Variants in WDR11 observed in about 807,000 individuals in gnomAD.
The protein encoded by WDR11 is WD repeat-containing protein 11.
WDR11 carries 83 observed loss-of-function variants against 151.2 expected under a neutral mutation model. The observed-to-expected ratio is 0.55, with a 90% CI of 0.46 to 0.66. The LOEUF (loss-of-function observed/expected upper bound fraction) is 0.66, where lower values mean the gene tolerates loss of function less well. WDR11 is among the 30% of genes least tolerant of loss of function. WDR11 has a pLI of 0.00. For missense variants in WDR11, 1,301 were observed against 1,480.9 expected, an observed-to-expected ratio of 0.88 and a Z score of 1.99; for synonymous variants, 484 against 533.1, an observed-to-expected ratio of 0.91 and a Z score of 1.27.
In WDR11 at chr10:120,862,555, G is replaced by A. The variant is rs1846178919; in HGVS notation, c.527-180G>A. ...CAAGCTTGGAGGCCTCTGATGAATTGTAATGGACCACCTGTTTCTCTTCAA... is the reference window on the plus strand; with the variant it reads ...CAAGCTTGGAGGCCTCTGATGAATTATAATGGACCACCTGTTTCTCTTCAA... On this transcript the variant is annotated intron_variant, in intron 4 of 28. Coordinates refer to ENST00000263461, the MANE Select transcript of WDR11 (RefSeq NM_018117.12). 4 of 639,792 alleles carry A rather than the reference G, an allele frequency of 6.3e-6. No individual in the cohort carries two copies. The East Asian group carries it at 8.4e-5, about 13-fold the overall frequency. The allele number at this position is 639,792 out of a possible 1,614,324, so 39.6% of individuals were successfully genotyped here. A position where few individuals can be genotyped will look rare whatever the true frequency, so the allele number is the denominator to read the frequency against.
In WDR11 at chr10:120,867,105, C is replaced by T. The variant is rs779094965; in HGVS notation, c.1230C>T (p.Phe410=). Residue 410 remains phenylalanine, a synonymous_variant, in exon 9 of 29, where the codon TTC becomes TTT. Transcript: ENST00000263461. ...GVSPLYSPVS[F]CGIPVGVLQN... is the part of the protein sequence containing the mutation. ...CACCTTTATATTCACCAGTGTCTTT[C>T]TGTGGAATTCCTGTAGGAGTGCTAC... 11 of 1,613,796 alleles carry T rather than the reference C, an allele frequency of 6.8e-6. No individual in the cohort carries two copies. In the East Asian group the frequency reaches 2.2e-4, roughly 33 times the overall value.
rs1846530604 is a variant in WDR11, at chr10:120,871,306, C to T, written c.1431C>T (p.Thr477=). The T allele has an allele frequency of 1.2e-6, 2 of 1,613,704 alleles. No individual in the cohort carries two copies. Among genetic ancestry groups the T allele is most frequent in the East Asian group, 2.2e-5 (1 of 44,860 alleles). ...CTATTCGTATGTGTCCACCGTTGAC[C>T]ACAAAAAACATCAAGATGTATCAGC... is the stretch of plus-strand genomic sequence containing the variant. The part of the protein sequence containing the change: ...QFAIRMCPPL[T]TKNIKMYQPL... Residue 477 remains threonine, a synonymous_variant, in exon 10 of 29, where the codon ACC becomes ACT. Coordinates refer to ENST00000263461, the MANE Select transcript of WDR11 (RefSeq NM_018117.12).
Position 120,851,430 on chromosome 10 carries a change from T to C in WDR11, c.10T>C (p.Tyr4His), listed in dbSNP as rs1413909768. 1.9e-6 allele frequency: 3 copies of C among 1,611,534 alleles called. No individual in the cohort carries two copies. Among genetic ancestry groups the C allele is most frequent in the Non-Finnish European group, 2.5e-6 (3 of 1,179,526 alleles). ...TGGGCTGGCCGCCGGGATGTTGCCC[T>C]ACACAGTGAACTTCAAGGTGTCGGC... Reference protein sequence around the residue: MLPYTVNFKVSART... With the variant: MLPHTVNFKVSART... Residue 4 changes from tyrosine (Y) to histidine (H), a missense_variant, in exon 1 of 29, where the codon TAC (tyrosine) becomes CAC (histidine). This residue lies in a region of WDR11 where 692 missense variants were observed against 762.5 expected (regional missense o/e 0.91). Transcript: ENST00000263461.
intron 19 of WDR11, among the ~76,000 whole-genome samples, chr10:120,892,338 C>T (rs1189989985): frequency 1.3e-5 from 2 of 152,056 alleles, no homozygotes; most frequent in East Asian, 3.9e-4. Context: ...ATGTTACAGC[C>T]TCAGCCAGAA....
At chr10:120,874,189 TTTTGTTGTTGTTGTTG>T (rs1846660086) in intron 11 of WDR11, among the ~76,000 whole-genome samples, 2 of 101,142 alleles carry the variant, frequency 2.0e-5, no homozygotes, top group African/African-American at 7.2e-5. Context: ...TTTTTTTTTT[TTTTGTTGTTGTTGTTG>T]TTGTTTGTTT....
intron 11 of WDR11, among the ~76,000 whole-genome samples, chr10:120,875,981 T>TC (rs1011633710): frequency 2.0e-5 from 3 of 146,462 alleles, no homozygotes; most frequent in Non-Finnish European, 3.0e-5. Context: ...TTTTTTTCTT[T>TC]TTTTTTTTTT....
rs1395640260 is a variant in WDR11 at position 120,903,050 on chromosome 10, G to C, written c.2754-5G>C. ...GCAGTCAAAACTTTGCTTCATCCTT[G>C]CCAGGCTCTATGGTGATGAATCGGA... On this transcript the variant is annotated splice_region_variant and splice_polypyrimidine_tract_variant and intron_variant, in intron 22 of 28. Coordinates refer to ENST00000263461, the MANE Select transcript of WDR11 (RefSeq NM_018117.12). The C allele has an allele frequency of 6.2e-7, 1 of 1,613,586 alleles. No homozygotes were observed. The highest frequency in any genetic ancestry group is 8.5e-7 in the Non-Finnish European group (1 of 1,180,018).
intron 4 of WDR11, among the ~76,000 whole-genome samples, chr10:120,860,934 C>T (rs1031011372): frequency 6.6e-6 from 1 of 152,198 alleles, no homozygotes; most frequent in Non-Finnish European, 1.5e-5. Flanking sequence ...AGGCAGGAGC[C>T]TTCACAGAGT....
intron 7 of WDR11, 80 bp downstream of exon 7, chr10:120,865,824 G>A: frequency 1.1e-6 from 1 of 940,440 alleles, no homozygotes; most frequent in Non-Finnish European, 1.7e-6. Flanking sequence ...TACCAGCCAA[G>A]GTATATAGTT....
intron 27 of WDR11, chr10:120,906,464 G>A: frequency 7.9e-7 from 1 of 1,268,692 alleles, no homozygotes. Context: ...GTAGATTACG[G>A]AAATATGACA....
At chr10:120,889,012 A>G in intron 16 of WDR11, 66 bp from the exon 17 acceptor site, 1 of 1,218,640 alleles carries the variant, frequency 8.2e-7, no homozygotes, top group East Asian at 2.5e-5. Context: ...TTTTATTAAA[A>G]TATTTATTAT....
At chr10:120,889,476 G>A (rs1394591052) in intron 17 of WDR11, 8 of 398,828 alleles carry the variant, frequency 2.0e-5, no homozygotes, top group East Asian at 5.7e-5. Context: ...TCCTGACCTC[G>A]TGATCCGCCC....
chr10:120,907,200 C>A, intron 28 of WDR11: 1 of 289,890 alleles, frequency 3.4e-6, no homozygotes, highest in African/African-American at 2.1e-5. Flanking sequence ...AGTACTTTTT[C>A]AAGACCAGAC....
At position 120,858,636 on chromosome 10, in the gene WDR11, G is replaced by C. The variant is rs2241846; in HGVS notation, c.199-7G>C. On this transcript the variant is annotated splice_region_variant and splice_polypyrimidine_tract_variant and intron_variant, in intron 2 of 28. Coordinates refer to ENST00000263461, the MANE Select transcript of WDR11 (RefSeq NM_018117.12). ...TATTTACTTGATCTGATTTCTTCTT[G>C]ATACAGGTTAAATGGGCCAGGGAAA... is the stretch of plus-strand genomic sequence containing the variant. 302,302 of 1,613,528 alleles carry C rather than the reference G, an allele frequency of 0.19. 31,384 individuals carry two copies. Among genetic ancestry groups the C allele is most frequent in the Admixed American group, 0.35 (21,299 of 59,998 alleles).
In WDR11 at chr10:120,880,847, G is replaced by T; in HGVS notation, c.1685G>T (p.Gly562Val). Residue 562 changes from glycine to valine, a missense_variant, in exon 13 of 29, where the codon GGT becomes GTT. Coordinates refer to ENST00000263461, the MANE Select transcript of WDR11 (RefSeq NM_018117.12). Reference protein sequence around the residue: ...LPTGRSIAFRGERGNDESAIE... With the variant: ...LPTGRSIAFRVERGNDESAIE... ...AAAGGTAGGAGCATTGCTTTTCGTGGTGAAAGAGGCAATGATGAATCTGCC... is the reference window on the plus strand; with the variant it reads ...AAAGGTAGGAGCATTGCTTTTCGTGTTGAAAGAGGCAATGATGAATCTGCC... 1 of 1,605,332 alleles carries T rather than the reference G, an allele frequency of 6.2e-7. No individual in the cohort carries two copies. Among genetic ancestry groups the T allele is most frequent in the Non-Finnish European group, 8.5e-7 (1 of 1,174,560 alleles).
rs1029038133 is a variant in WDR11, at chr10:120,883,926, T to A, written c.1848+38T>A. On this transcript the variant is annotated intron_variant, in intron 14 of 28. Transcript: ENST00000263461. ...TTAAGAATTTAATAGCTTATTTAGG[T>A]ATATATGTATGTGGTGAATGTTTTG... 3 of 1,504,030 alleles carry A rather than the reference T, an allele frequency of 2.0e-6. No individual in the cohort carries two copies. The African/African-American group carries it at 4.1e-5, about 21-fold the overall frequency. The allele number at this position is 1,504,030 out of a possible 1,614,324, so 93.2% of individuals were successfully genotyped here.
At chr10:120,899,724 T>C (rs1390735967) in intron 19 of WDR11, 6 of 334,162 alleles carry the variant, frequency 1.8e-5, no homozygotes, top group Middle Eastern at 9.6e-4. Flanking sequence ...CGGAGGTTGC[T>C]GTGAGCCGAG....
rs751968826 is a variant in WDR11 at position 120,880,915 on chromosome 10, T to TA, written c.1739+23dup. 1.3e-4 allele frequency: 210 copies of TA among 1,566,888 alleles called. 1 individual carries two copies. Among genetic ancestry groups the TA allele is most frequent in the Middle Eastern group, 1.7e-4 (1 of 5,872 alleles). The stretch of plus-strand genomic sequence containing the variant: ...ATCTCATTTGAAGTAAGTGTCAACC[T>TA]AAAAAAAAATCTATGGTGTTATCAC... On this transcript the variant is annotated intron_variant, in intron 13 of 28. Coordinates refer to ENST00000263461, the MANE Select transcript of WDR11 (RefSeq NM_018117.12).
intron 12 of WDR11, chr10:120,879,875 A>G (rs1321390282): frequency 2.0e-5 from 3 of 152,220 alleles, no homozygotes; most frequent in Non-Finnish European, 4.4e-5. Context: ...AACACAAGAT[A>G]CTAAAACATA....
Sources: allele counts gnomAD v4.1 joint callset (sites outside exome capture counted in the v4.1 genomes callset), GRCh38; gene constraint gnomAD v4.1.1; regional missense constraint gnomAD v4.1.1; transcripts MANE v1.5; gene names NCBI Gene and HGNC (gene_info 2026-07-23, HGNC 2026-07-21).